MARCHF3: variants seen among roughly 807,000 people sequenced by gnomAD.
MARCHF3 encodes the protein E3 ubiquitin-protein ligase MARCHF3.
In MARCHF3, 13 loss-of-function variants were observed where a neutral mutation model predicts 24.2. That is an observed-to-expected ratio of 0.54 (90% CI 0.35 to 0.85). MARCHF3 has a LOEUF of 0.85. MARCHF3 is among the 40% of genes least tolerant of loss of function. The probability of loss-of-function intolerance (pLI) is 0.01; values close to 1 mark genes in which losing one functional copy is unlikely to be tolerated. For missense variants in MARCHF3, 276 were observed against 325.0 expected (o/e 0.85, Z 1.16); for synonymous variants, 144 against 137.3 (o/e 1.05, Z -0.34).
chr5:126,991,756 TCTTCCATTACTGCATTTTCTTCCCCCCA>T (rs1179861155), intron 1 of MARCHF3, among the ~76,000 whole-genome samples: 2 of 151,654 alleles, frequency 1.3e-5, no homozygotes, highest in East Asian at 3.9e-4. Context: ...CATGACAGCT[TCTTCCATTACTGCATTTTCTTCCCCCCA>T]CTTCCATTCT....
chr5:126,985,471 A>ATT (rs1206777153), intron 1 of MARCHF3, among the ~76,000 whole-genome samples: 17 of 118,974 alleles, frequency 1.4e-4, no homozygotes, highest in Non-Finnish European at 2.1e-4. Flanking sequence ...ATGAACTTTT[A>ATT]TTTTTTTTTT....
chr5:126,985,471 A>ATTTTTT (rs1206777153), intron 1 of MARCHF3, among the ~76,000 whole-genome samples: 1 of 118,964 alleles, frequency 8.4e-6, no homozygotes, highest in African/African-American at 3.5e-5. Flanking sequence ...ATGAACTTTT[A>ATTTTTT]TTTTTTTTTT....
chr5:126,908,893 T>C (rs934778323), intron 3 of MARCHF3, among the ~76,000 whole-genome samples: 4 of 152,182 alleles, frequency 2.6e-5, no homozygotes, highest in African/African-American at 9.7e-5. Context: ...GGAGGAGAGG[T>C]GCTCTGCTTT....
intron 3 of MARCHF3, among the ~76,000 whole-genome samples, chr5:126,908,872 G>T (rs976679619): frequency 1.3e-5 from 2 of 152,160 alleles, no homozygotes; most frequent in Non-Finnish European, 2.9e-5. Flanking sequence ...GAGGACCTGC[G>T]TTCCTTTGGA....
chr5:126,954,119 G>A (rs1380835492), intron 1 of MARCHF3, among the ~76,000 whole-genome samples: 3 of 151,234 alleles, frequency 2.0e-5, no homozygotes, highest in Non-Finnish European at 4.4e-5. Flanking sequence ...TGCAAGCTCC[G>A]CCTCCTGGCT....
At chr5:126,883,303 C>T (rs532627473) in intron 3 of MARCHF3, among the ~76,000 whole-genome samples, 8 of 152,274 alleles carry the variant, frequency 5.3e-5, no homozygotes, top group Non-Finnish European at 1.2e-4. Context: ...CCAGGGATTC[C>T]GTGGGCAACC....
chr5:126,893,118 G>C (rs1753755065), intron 3 of MARCHF3, among the ~76,000 whole-genome samples: 1 of 151,940 alleles, frequency 6.6e-6, no homozygotes, highest in Admixed American at 6.6e-5. Flanking sequence ...TTGTATTTCT[G>C]TGGGATCGGT....
chr5:127,004,654 G>A (rs1580477436), intron 1 of MARCHF3, among the ~76,000 whole-genome samples: 1 of 152,238 alleles, frequency 6.6e-6, no homozygotes, highest in East Asian at 1.9e-4. Context: ...AGAAGTACAT[G>A]TAAATGCACA....
chr5:127,028,174 T>C (rs1753062925), intron 1 of MARCHF3, among the ~76,000 whole-genome samples: 1 of 152,210 alleles, frequency 6.6e-6, no homozygotes, highest in African/African-American at 2.4e-5. Context: ...CCATATATAA[T>C]GAACACCATT....
At chr5:126,911,870 T>C (rs1429391592) in intron 3 of MARCHF3, among the ~76,000 whole-genome samples, 1 of 152,232 alleles carries the variant, frequency 6.6e-6, no homozygotes, top group Non-Finnish European at 1.5e-5. Context: ...CCATACAGTA[T>C]ATCCATTTTA....
At chr5:126,875,386 G>C (rs1753113050) in intron 4 of MARCHF3, among the ~76,000 whole-genome samples, 1 of 152,242 alleles carries the variant, frequency 6.6e-6, no homozygotes, top group African/African-American at 2.4e-5. Flanking sequence ...GTGAGCGCTT[G>C]TCCTTCTTCA....
intron 1 of MARCHF3, among the ~76,000 whole-genome samples, chr5:127,016,702 G>A (rs927614327): frequency 9.2e-5 from 14 of 152,174 alleles, no homozygotes; most frequent in Non-Finnish European, 1.2e-4. Flanking sequence ...ACAGTGTGGC[G>A]ATTTCTCAAG....
chr5:126,954,554 T>C (rs1315719387), intron 1 of MARCHF3, among the ~76,000 whole-genome samples: 1 of 151,632 alleles, frequency 6.6e-6, no homozygotes, highest in African/African-American at 2.4e-5. Flanking sequence ...AATTTTTTTG[T>C]AGAGAGGGGT....
At chr5:127,007,971 T>C (rs1752359987) in intron 1 of MARCHF3, among the ~76,000 whole-genome samples, 1 of 151,842 alleles carries the variant, frequency 6.6e-6, no homozygotes, top group African/African-American at 2.4e-5. Context: ...ACAGCTGAGC[T>C]CGGTATGCTG....
At chr5:126,961,997 T>C (rs1436752688) in intron 1 of MARCHF3, among the ~76,000 whole-genome samples, 1 of 152,194 alleles carries the variant, frequency 6.6e-6, no homozygotes, top group African/African-American at 2.4e-5. Context: ...GAAGCAACCA[T>C]GGTTACCCAT....
intron 1 of MARCHF3, among the ~76,000 whole-genome samples, chr5:126,950,546 T>C (rs1750195554): frequency 6.6e-6 from 1 of 152,180 alleles, no homozygotes; most frequent in African/African-American, 2.4e-5. Flanking sequence ...CTATTGACTC[T>C]GCCTCTCCAG....
At chr5:126,886,735 T>C (rs550936758) in intron 3 of MARCHF3, among the ~76,000 whole-genome samples, 71 of 152,286 alleles carry the variant, frequency 4.7e-4, no homozygotes, top group African/African-American at 1.4e-3. Context: ...CAAGATCCAC[T>C]GCAGAACACG....
At chr5:127,027,291 G>C (rs1753029721) in intron 1 of MARCHF3, among the ~76,000 whole-genome samples, 1 of 152,144 alleles carries the variant, frequency 6.6e-6, no homozygotes, top group Non-Finnish European at 1.5e-5. Context: ...CTCTGGGTGG[G>C]TGGCCTGGGA....
intron 1 of MARCHF3, among the ~76,000 whole-genome samples, chr5:126,929,002 C>A (rs1309397649): frequency 6.6e-6 from 1 of 152,000 alleles, no homozygotes; most frequent in Non-Finnish European, 1.5e-5. Flanking sequence ...TTTAAATTTC[C>A]CCAATTGTCT....
Sources: gnomAD v4.1 joint callset for allele counts (sites outside exome capture counted in the v4.1 genomes callset) on GRCh38, gnomAD v4.1.1 for gene constraint, MANE v1.5 for transcripts, NCBI Gene and HGNC (gene_info 2026-07-23, HGNC 2026-07-21) for gene names.